Variants in GEMIN8 observed in about 807,000 individuals in gnomAD.
GEMIN8 encodes the protein gem nuclear organelle associated protein 8, also known as gem-associated protein 8.
For synonymous variants in GEMIN8, 80 were observed against 78.5 expected, an observed-to-expected ratio of 1.02 and a Z score of -0.10; for missense variants, 185 against 205.9, an observed-to-expected ratio of 0.90 and a Z score of 0.62.
chrX:14,006,169 T>G (rs1425220278), downstream of GEMIN8, among the ~76,000 whole-genome samples: 1 of 110,177 alleles, frequency 9.1e-6, no homozygotes. Flanking sequence ...GCTGGGACTA[T>G]AGGTGTGCAC....
In GEMIN8 at chrX:14,007,769, T is replaced by C. The variant is rs1299834987; in HGVS notation, c.*1144A>G. ...GTCTCGATCTCCTGATCTCGTGATCTGCCCACCTCAGCCTCCCAAAGTGCT... is the reference window on the plus strand; with the variant it reads ...GTCTCGATCTCCTGATCTCGTGATCCGCCCACCTCAGCCTCCCAAAGTGCT... On this transcript the variant is annotated 3_prime_UTR_variant, in exon 5 of 5. Coordinates refer to ENST00000680255, the MANE Select transcript of GEMIN8 (RefSeq NM_001042479.2). Among the ~76,000 whole-genome samples the C allele has an allele frequency of 3.6e-5, 4 of 110,880 alleles. No homozygotes were observed. The highest frequency in any genetic ancestry group is 7.6e-5 in the Non-Finnish European group (4 of 52,943).
chrX:14,021,100 T>C (rs147368687), intron 3 of GEMIN8, among the ~76,000 whole-genome samples: 3,538 of 110,050 alleles, frequency 0.032, 172 homozygotes, highest in African/African-American at 0.11. Context: ...GCAATGAGAA[T>C]ACCAAACTTT....
At chrX:14,018,596 G>A (rs1051574492) in intron 4 of GEMIN8, among the ~76,000 whole-genome samples, 1 of 111,731 alleles carries the variant, frequency 9.0e-6, no homozygotes, top group Non-Finnish European at 1.9e-5. Flanking sequence ...CTCATTTGTT[G>A]TATATATTAG....
chrX:13,988,322 T>C, the GEMIN8 span, among the ~76,000 whole-genome samples: 4 of 110,875 alleles, frequency 3.6e-5, no homozygotes, highest in Non-Finnish European at 5.7e-5. Flanking sequence ...TGGCAAAGTA[T>C]TGTTTTATAT....
downstream of GEMIN8, among the ~76,000 whole-genome samples, chrX:14,002,626 C>T (rs1461486195): frequency 3.6e-5 from 4 of 111,062 alleles, no homozygotes; most frequent in Non-Finnish European, 7.5e-5. Flanking sequence ...GCCTCAGCTT[C>T]GGGAGTAGCT....
chrX:14,023,968 C>A (rs1924530153), intron 2 of GEMIN8, among the ~76,000 whole-genome samples: 1 of 112,208 alleles, frequency 8.9e-6, no homozygotes, highest in African/African-American at 3.2e-5. Flanking sequence ...GGAATAAACA[C>A]CATTGAGATC....
chrX:14,002,366 GAT>G (rs1569341824), downstream of GEMIN8, among the ~76,000 whole-genome samples: 2 of 106,323 alleles, frequency 1.9e-5, no homozygotes, highest in African/African-American at 6.8e-5. Context: ...TAGATAGATA[GAT>G]AGATAAATAG....
the GEMIN8 span, among the ~76,000 whole-genome samples, chrX:13,986,703 C>A: frequency 1.8e-5 from 2 of 112,306 alleles, no homozygotes; most frequent in African/African-American, 6.5e-5. Flanking sequence ...CATGGCCACA[C>A]CTAGCAGCAA....
chrX:14,021,988 T>C (rs1313815870), intron 2 of GEMIN8, among the ~76,000 whole-genome samples: 1 of 99,848 alleles, frequency 1.0e-5, no homozygotes, highest in Non-Finnish European at 2.0e-5. Flanking sequence ...GTATATATAA[T>C]GTATATATAC....
At chrX:13,993,441 CTTTT>C in the GEMIN8 span, among the ~76,000 whole-genome samples, 22 of 90,601 alleles carry the variant, frequency 2.4e-4, no homozygotes, top group East Asian at 3.4e-4. Context: ...GTTGTGTATA[CTTTT>C]TTTTTTTTTT....
chrX:14,021,263 G>T (rs1322181867), intron 3 of GEMIN8, among the ~76,000 whole-genome samples: 1 of 69,780 alleles, frequency 1.4e-5, no homozygotes, highest in Non-Finnish European at 2.6e-5. Flanking sequence ...GGGGAGGGGG[G>T]AGGGATAGCA....
chrX:14,011,593 G>A, intron 4 of GEMIN8, among the ~76,000 whole-genome samples: 1 of 98,878 alleles, frequency 1.0e-5, no homozygotes, highest in East Asian at 3.1e-4. Flanking sequence ...GAGTGCCTTG[G>A]AGTCTCTGCA....
chrX:14,018,437 C>T (rs893418569), intron 4 of GEMIN8, among the ~76,000 whole-genome samples: 1 of 112,087 alleles, frequency 8.9e-6, no homozygotes, highest in Non-Finnish European at 1.9e-5. Context: ...CAATTTCCAT[C>T]ATAAAAGTAT....
At chrX:14,011,020 G>A (rs1426661700) in intron 4 of GEMIN8, among the ~76,000 whole-genome samples, 1 of 111,915 alleles carries the variant, frequency 8.9e-6, no homozygotes, top group Non-Finnish European at 1.9e-5. Flanking sequence ...CCAAACAGTG[G>A]GTTAGAGAAA....
intron 2 of GEMIN8, among the ~76,000 whole-genome samples, chrX:14,024,620 C>G (rs1569371341): frequency 8.9e-6 from 1 of 111,755 alleles, no homozygotes; most frequent in African/African-American, 3.3e-5. Flanking sequence ...CCTCAGAGAT[C>G]ACCCAGGTAC....
chrX:14,025,826 G>T (rs1924659626), intron 2 of GEMIN8, among the ~76,000 whole-genome samples: 1 of 111,849 alleles, frequency 8.9e-6, no homozygotes, highest in African/African-American at 3.3e-5. Context: ...TCCCTGGAAA[G>T]AATATATATT....
At chrX:13,984,494 C>A in the GEMIN8 span, among the ~76,000 whole-genome samples, 1 of 112,188 alleles carries the variant, frequency 8.9e-6, no homozygotes, top group South Asian at 3.7e-4. Flanking sequence ...CATTTCTTTA[C>A]ATATTGTCTA....
downstream of GEMIN8, among the ~76,000 whole-genome samples, chrX:14,002,035 C>T (rs767418777): frequency 5.1e-5 from 5 of 97,214 alleles, no homozygotes; most frequent in African/African-American, 1.9e-4. Context: ...GTGGGAGAAA[C>T]CTTTGAACCC....
the GEMIN8 span, among the ~76,000 whole-genome samples, chrX:13,987,488 T>C: frequency 4.9e-4 from 54 of 111,277 alleles, 2 homozygotes; most frequent in Non-Finnish European, 5.7e-5. Flanking sequence ...GCTTGGCTCT[T>C]TGTCACCCTT....
Sources: gnomAD v4.1 joint callset for allele counts (sites outside exome capture counted in the v4.1 genomes callset) on GRCh38, gnomAD v4.1.1 for gene constraint, MANE v1.5 for transcripts, NCBI Gene and HGNC (gene_info 2026-07-23, HGNC 2026-07-21) for gene names.